Variants in GPR17 observed in about 807,000 individuals in gnomAD.
The protein encoded by GPR17 is G protein-coupled receptor 17.
In GPR17, 4 loss-of-function variants were observed where a neutral mutation model predicts 1.5. The ratio of observed to expected loss-of-function variants is 2.73; its 90% CI spans 1.35 to 6.25. GPR17 has a LOEUF of 6.25. Among genes scored for constraint, GPR17 ranks in the 30% most tolerant of loss-of-function variants. GPR17 has a pLI of 0.00. For missense variants in GPR17, 463 were observed against 462.1 expected (o/e 1.00, Z -0.02); for synonymous variants, 209 against 207.6 (o/e 1.01, Z -0.06).
Position 127,650,933 on chromosome 2 carries a change from C to T in GPR17, c.198C>T (p.Ala66=). The T allele has an allele frequency of 1.2e-6, 2 of 1,613,994 alleles. No individual in the cohort carries two copies. The highest frequency in any genetic ancestry group is 8.5e-7 in the Non-Finnish European group (1 of 1,180,022). ...GAGACCACAAGTCCGGGACCCCGGCCAACGTGTTCCTGATGCATCTGGCCG... is the reference window on the plus strand; with the variant it reads ...GAGACCACAAGTCCGGGACCCCGGCTAACGTGTTCCTGATGCATCTGGCCG... ...FIRDHKSGTP[A]NVFLMHLAVA... The change falls in exon 2 of 2, where the codon GCC becomes GCT. Residue 66 remains alanine (A), a synonymous_variant. Transcript: ENST00000486700.
rs1471312940 is a variant in GPR17 at position 127,651,699 on chromosome 2, C to T, written c.964C>T (p.Pro322Ser). ...LCGKRLKGPPPSFEGKTNESS... is the reference protein window; with the variant it reads ...LCGKRLKGPPSSFEGKTNESS... ...TGGCAAAAGGCTCAAGGGCCCGCCC[C>T]CCAGCTTCGAAGGGAAAACCAACGA... Residue 322 changes from proline to serine, a missense_variant, in exon 2 of 2, where the codon CCC becomes TCC. Coordinates refer to ENST00000486700, the MANE Select transcript of GPR17 (RefSeq NM_001161417.2). 2 of 1,613,056 alleles carry T rather than the reference C, an allele frequency of 1.2e-6. No homozygotes were observed. Among genetic ancestry groups the T allele is most frequent in the African/African-American group, 1.3e-5 (1 of 74,948 alleles).
intron 1 of GPR17, 164 bp from the exon 2 acceptor site, chr2:127,650,552 G>A (rs1259782106): frequency 6.6e-5 from 40 of 603,082 alleles, no homozygotes; most frequent in South Asian, 6.2e-4. Context: ...TGACGCTCAC[G>A]CACACCAAAT....
At chr2:127,648,979 GA>G (rs1683321512) in intron 1 of GPR17, among the ~76,000 whole-genome samples, 1 of 24,970 alleles carries the variant, frequency 4.0e-5, no homozygotes, top group African/African-American at 1.5e-4. Flanking sequence ...GGAGGGGAGG[GA>G]GGGGAGGGGA....
intron 1 of GPR17, chr2:127,650,500 C>T: frequency 3.5e-6 from 2 of 572,278 alleles, no homozygotes; most frequent in South Asian, 4.7e-5. Flanking sequence ...AATTCCAAGC[C>T]CTGGTTCTGC....
chr2:127,651,304 C>A lies in GPR17; in HGVS notation c.569C>A (p.Ser190Tyr). The part of the protein sequence containing the change: ...VCLQLYREKA[S>Y]HHALVSLAVA... ...CTGCAGCTGTACCGGGAGAAGGCCT[C>A]CCACCATGCCCTGGTGTCCCTGGCA... Residue 190 changes from serine (S) to tyrosine (Y), a missense_variant, in exon 2 of 2, where the codon TCC (serine) becomes TAC (tyrosine). Physicochemically the swap from Ser to Tyr is moderately radical, Grantham distance 144. Coordinates refer to ENST00000486700, the MANE Select transcript of GPR17 (RefSeq NM_001161417.2). 1 of 1,609,304 alleles carries A rather than the reference C, an allele frequency of 6.2e-7. No individual in the cohort carries two copies. The highest frequency in any genetic ancestry group is 1.6e-4 in the Middle Eastern group (1 of 6,062).
chr2:127,650,949 C>G lies in GPR17; in HGVS notation c.214C>G (p.His72Asp), dbSNP rs1391139505. ...GACCCCGGCCAACGTGTTCCTGATG[C>G]ATCTGGCCGTGGCCGACTTGTCGTG... ...SGTPANVFLM[H>D]LAVADLSCVL... Residue 72 changes from histidine (H) to aspartate (D), a missense_variant, in exon 2 of 2, where the codon CAT becomes GAT. Physicochemically the swap from His to Asp is moderately conservative, Grantham distance 81. Coordinates refer to ENST00000486700, the MANE Select transcript of GPR17 (RefSeq NM_001161417.2). 5 of 1,613,850 alleles carry G rather than the reference C, an allele frequency of 3.1e-6. No individual in the cohort carries two copies. The highest frequency in any genetic ancestry group is 2.5e-6 in the Non-Finnish European group (3 of 1,180,048).
At chr2:127,649,872 G>T in intron 1 of GPR17, 1 of 705,304 alleles carries the variant, frequency 1.4e-6, no homozygotes, top group Non-Finnish European at 2.4e-6. Flanking sequence ...TGTCTCTGAC[G>T]CTGGGTAAAA....
intron 1 of GPR17, chr2:127,650,195 C>A: frequency 1.1e-6 from 1 of 883,896 alleles, no homozygotes; most frequent in Non-Finnish European, 1.8e-6. Context: ...CGGTGACACC[C>A]CGGCCACTGC....
rs1375977854 is a variant in GPR17 at position 127,647,592 on chromosome 2, G to A, written c.-21+1348G>A. ...CCTGAGGGACAGCCTGGGGTGGAGG[G>A]CACCCACCTTGGCCCCTTCCCACCC... On this transcript the variant is annotated intron_variant, in intron 1 of 1. Transcript: ENST00000486700. The surrounding 1 kb of genome is among the most constrained non-coding windows in gnomAD (Gnocchi z 4.3). 6.6e-6 allele frequency among the ~76,000 whole-genome samples: 1 copy of A among 152,068 alleles called. No homozygotes were observed. The highest frequency in any genetic ancestry group is 2.4e-5 in the African/African-American group (1 of 41,396).
rs1436760460 is a variant in GPR17 at position 127,652,638 on chromosome 2, T to C, written c.*883T>C. 6.2e-6 allele frequency: 1 copy of C among 161,788 alleles called. No homozygotes were observed. Among genetic ancestry groups the C allele is most frequent in the East Asian group, 1.9e-4 (1 of 5,204 alleles). The allele number at this position is 161,788 out of a possible 1,614,324, so 10.0% of individuals were successfully genotyped here. A position where few individuals can be genotyped will look rare whatever the true frequency, so the allele number is the denominator to read the frequency against. ...ATAAATATAACTGTAGCTTTAAGAC[T>C]ACACAGGTTGTTATGTTTGGTCAAC... On this transcript the variant is annotated 3_prime_UTR_variant, in exon 2 of 2. Transcript: ENST00000486700.
Position 127,651,578 on chromosome 2 carries a change from C to G in GPR17, c.843C>G (p.Ile281Met). The change falls in exon 2 of 2, where the codon ATC (isoleucine) becomes ATG (methionine). Residue 281 changes from isoleucine (I) to methionine (M), a missense_variant. Transcript: ENST00000486700. ...GCATCCTGGCCCTGGCAAACCGCAT[C>G]ACCTCCTGCCTCACCAGCCTCAACG... ...TQRILALANR[I>M]TSCLTSLNGA... 6.2e-7 allele frequency: 1 copy of G among 1,612,920 alleles called. No homozygotes were observed. Among genetic ancestry groups the G allele is most frequent in the Non-Finnish European group, 8.5e-7 (1 of 1,180,040 alleles).
At chr2:127,648,132 C>T in intron 1 of GPR17, 5 of 985,486 alleles carry the variant, frequency 5.1e-6, no homozygotes, top group Non-Finnish European at 6.0e-6. Flanking sequence ...AGTCAGAGTA[C>T]TGTGGAACCT....
At chr2:127,650,357 C>G in intron 1 of GPR17, 1 of 542,524 alleles carries the variant, frequency 1.8e-6, no homozygotes, top group Admixed American at 3.4e-5. Context: ...ACCTCAGAGG[C>G]AGAACAGAAA....
At chr2:127,650,313 C>T in intron 1 of GPR17, 1 of 567,860 alleles carries the variant, frequency 1.8e-6, no homozygotes. Context: ...CACACTGCCC[C>T]CGCCCCTCAC....
In GPR17 at chr2:127,651,766, C is replaced by T. The variant is rs765429316; in HGVS notation, c.*11C>T. 6.2e-7 allele frequency: 1 copy of T among 1,607,810 alleles called. No homozygotes were observed. The highest frequency in any genetic ancestry group is 1.1e-5 in the South Asian group (1 of 90,646). Reference sequence around the variant, plus strand: ...AAGTCAGAGCTGTGAGCGGGGGGCGCCGTCCAGGCCGAGCGCAGACTGTTT... The same window carrying T: ...AAGTCAGAGCTGTGAGCGGGGGGCGTCGTCCAGGCCGAGCGCAGACTGTTT... On this transcript the variant is annotated 3_prime_UTR_variant, in exon 2 of 2. Coordinates refer to ENST00000486700, the MANE Select transcript of GPR17 (RefSeq NM_001161417.2).
chr2:127,651,357 A>G lies in GPR17; in HGVS notation c.622A>G (p.Thr208Ala). 1 of 1,612,232 alleles carries G rather than the reference A, an allele frequency of 6.2e-7. No individual in the cohort carries two copies. Among genetic ancestry groups the G allele is most frequent in the Non-Finnish European group, 8.5e-7 (1 of 1,180,036 alleles). The change falls in exon 2 of 2, where the codon ACG becomes GCG. Residue 208 changes from threonine (T) to alanine (A), a missense_variant. Physicochemically the swap from Thr to Ala is moderately conservative, Grantham distance 58 (BLOSUM62 0). Coordinates refer to ENST00000486700, the MANE Select transcript of GPR17 (RefSeq NM_001161417.2). The stretch of plus-strand genomic sequence containing the variant: ...GGCCTTCACCTTCCCGTTCATCACC[A>G]CGGTCACCTGCTACCTGCTGATCAT... ...AVAFTFPFIT[T>A]VTCYLLIIRS...
In GPR17 at chr2:127,651,768, G is replaced by A. The variant is rs764080281; in HGVS notation, c.*13G>A. 100 of 1,607,790 alleles carry A rather than the reference G, an allele frequency of 6.2e-5. No individual in the cohort carries two copies. Among genetic ancestry groups the A allele is most frequent in the Non-Finnish European group, 7.0e-5 (82 of 1,176,514 alleles). On this transcript the variant is annotated 3_prime_UTR_variant, in exon 2 of 2. Coordinates refer to ENST00000486700, the MANE Select transcript of GPR17 (RefSeq NM_001161417.2). ...GTCAGAGCTGTGAGCGGGGGGCGCC[G>A]TCCAGGCCGAGCGCAGACTGTTTAG...
At position 127,651,901 on chromosome 2, in the gene GPR17, C is replaced by T. The variant is rs1683839731; in HGVS notation, c.*146C>T. On this transcript the variant is annotated 3_prime_UTR_variant, in exon 2 of 2. Coordinates refer to ENST00000486700, the MANE Select transcript of GPR17 (RefSeq NM_001161417.2). ...ACCATTTCTCTAGATCGCCTAGTCT[C>T]AACCCATAAAAAGGAAGAACTGACA... 2.7e-6 allele frequency: 2 copies of T among 750,812 alleles called. No individual in the cohort carries two copies. The highest frequency in any genetic ancestry group is 4.4e-6 in the Non-Finnish European group (2 of 459,496). 46.5% of individuals were successfully genotyped at this position (750,812 alleles called of 1,614,324 possible). A position where few individuals can be genotyped will look rare whatever the true frequency, so the allele number is the denominator to read the frequency against.
chr2:127,651,471 G>C lies in GPR17; in HGVS notation c.736G>C (p.Val246Leu). 6.2e-7 allele frequency: 1 copy of C among 1,612,828 alleles called. No individual in the cohort carries two copies. Among genetic ancestry groups the C allele is most frequent in the Non-Finnish European group, 8.5e-7 (1 of 1,180,042 alleles). ...MIAIVLAIFLVCFVPYHVNRS... is the reference protein window; with the variant it reads ...MIAIVLAIFLLCFVPYHVNRS... ...CGCCATAGTGCTGGCCATCTTCCTG[G>C]TCTGCTTCGTGCCCTACCACGTCAA... The change falls in exon 2 of 2, where the codon GTC becomes CTC. Residue 246 changes from valine (V) to leucine (L), a missense_variant. Physicochemically the swap from Val to Leu is conservative, Grantham distance 32. Coordinates refer to ENST00000486700, the MANE Select transcript of GPR17 (RefSeq NM_001161417.2).
Sources: allele counts gnomAD v4.1 joint callset (sites outside exome capture counted in the v4.1 genomes callset), GRCh38; gene constraint gnomAD v4.1.1; non-coding constraint Gnocchi (gnomAD v3.1); transcripts MANE v1.5; gene names NCBI Gene and HGNC (gene_info 2026-07-23, HGNC 2026-07-21).